MAD1L1: variants seen among roughly 807,000 people sequenced by gnomAD.
MAD1L1 encodes the protein mitotic spindle assembly checkpoint protein MAD1.
Under a neutral mutation model 96.9 loss-of-function variants are expected in MAD1L1, and 95 were observed. That is an observed-to-expected ratio of 0.98 (90% confidence interval 0.83 to 1.16). MAD1L1 has a LOEUF of 1.16. Among genes scored for constraint, MAD1L1 ranks in the 50% most tolerant of loss-of-function variants. MAD1L1 has a pLI of 0.00. For synonymous variants in MAD1L1, 473 were observed against 396.6 expected (o/e 1.19, Z -2.29); for missense variants, 1,007 against 954.4 (o/e 1.06, Z -0.73).
chr7:1,941,354 G>C (rs73051862), intron 16 of MAD1L1, among the ~76,000 whole-genome samples: 5,179 of 152,260 alleles, frequency 0.034, 192 homozygotes, highest in Admixed American at 0.099. Flanking sequence ...TTTCCCCCCT[G>C]ATGGGGGGCT....
At chr7:2,171,928 C>A (rs1790726900) in intron 10 of MAD1L1, among the ~76,000 whole-genome samples, 1 of 152,132 alleles carries the variant, frequency 6.6e-6, no homozygotes, top group Non-Finnish European at 1.5e-5. Context: ...CTGGAGGGTC[C>A]CTGGGATAGA....
chr7:1,834,248 T>C (rs1387718555), intron 18 of MAD1L1, among the ~76,000 whole-genome samples: 2 of 151,846 alleles, frequency 1.3e-5, no homozygotes, highest in Non-Finnish European at 2.9e-5. Context: ...ATCAGAGACT[T>C]CAGCTTCGAC....
At chr7:1,863,912 C>G (rs1305319915) in intron 18 of MAD1L1, among the ~76,000 whole-genome samples, 6 of 152,206 alleles carry the variant, frequency 3.9e-5, no homozygotes, top group Non-Finnish European at 5.9e-5. Flanking sequence ...GATGGTGAAA[C>G]CCCGTCTCTA....
chr7:2,012,357 C>A (rs1466137746), intron 13 of MAD1L1, among the ~76,000 whole-genome samples: 1 of 152,248 alleles, frequency 6.6e-6, no homozygotes, highest in Admixed American at 6.5e-5. Context: ...GTGGAAAACG[C>A]CAGGGACGGC....
chr7:2,115,804 G>C (rs1037686757), intron 11 of MAD1L1, among the ~76,000 whole-genome samples: 2 of 152,268 alleles, frequency 1.3e-5, no homozygotes, highest in African/African-American at 2.4e-5. Flanking sequence ...GGAGCAGAGG[G>C]AACGCACTGA....
chr7:2,165,288 G>A (rs1016877880), intron 10 of MAD1L1, among the ~76,000 whole-genome samples: 3 of 152,214 alleles, frequency 2.0e-5, no homozygotes, highest in Non-Finnish European at 2.9e-5. Flanking sequence ...TACAGCTGCC[G>A]GGGATGAAGG....
At chr7:2,058,816 T>C (rs1784499729) in intron 12 of MAD1L1, among the ~76,000 whole-genome samples, 1 of 95,384 alleles carries the variant, frequency 1.0e-5, no homozygotes, top group African/African-American at 4.2e-5. Flanking sequence ...GGAGTGGGAG[T>C]GTGGCCAGAG....
chr7:1,868,131 C>T (rs1318514879), intron 18 of MAD1L1, among the ~76,000 whole-genome samples: 3 of 152,166 alleles, frequency 2.0e-5, no homozygotes, highest in Non-Finnish European at 4.4e-5. Flanking sequence ...TTCAGCCCAG[C>T]GAGGTGCACT....
chr7:2,097,050 G>A (rs184508697), intron 11 of MAD1L1, among the ~76,000 whole-genome samples: 240 of 152,260 alleles, frequency 1.6e-3, no homozygotes, highest in African/African-American at 5.5e-3. Context: ...CGCACCACGG[G>A]TATCCCCCAC....
chr7:2,085,370 G>A (rs1255369915), intron 11 of MAD1L1, among the ~76,000 whole-genome samples: 3 of 152,190 alleles, frequency 2.0e-5, no homozygotes, highest in East Asian at 1.9e-4. Context: ...GCACAGCCAC[G>A]CAGTACACAC....
intron 18 of MAD1L1, among the ~76,000 whole-genome samples, chr7:1,822,807 A>G (rs1412964645): frequency 6.6e-6 from 1 of 151,358 alleles, no homozygotes; most frequent in Non-Finnish European, 1.5e-5. Flanking sequence ...AAAGAAGAGT[A>G]GAGGAATTGC....
chr7:2,053,873 C>T (rs991455527), intron 12 of MAD1L1, among the ~76,000 whole-genome samples: 3 of 152,240 alleles, frequency 2.0e-5, no homozygotes, highest in African/African-American at 7.2e-5. Flanking sequence ...TCCAGGGGCA[C>T]CCGATTCTAG....
At chr7:1,826,784 C>A (rs1237601533) in intron 18 of MAD1L1, among the ~76,000 whole-genome samples, 2 of 152,228 alleles carry the variant, frequency 1.3e-5, no homozygotes, top group Admixed American at 1.3e-4. Context: ...GAAAATAGCT[C>A]AGCCAATTAT....
At chr7:1,848,436 G>C (rs1304490479) in intron 18 of MAD1L1, 1 of 152,680 alleles carries the variant, frequency 6.5e-6, no homozygotes, top group Non-Finnish European at 1.5e-5. Flanking sequence ...ATGCTGAATA[G>C]GACACTCCAT....
chr7:2,219,538 T>A, intron 5 of MAD1L1, 82 bp from the exon 6 acceptor site: 1 of 1,488,822 alleles, frequency 6.7e-7, no homozygotes, highest in Non-Finnish European at 9.1e-7. Flanking sequence ...ATGAGAAGAG[T>A]GGAGAGGCGA....
chr7:2,226,379 A>G (rs1793896898), intron 3 of MAD1L1, among the ~76,000 whole-genome samples: 1 of 151,876 alleles, frequency 6.6e-6, no homozygotes, highest in Non-Finnish European at 1.5e-5. Context: ...ATTACAGGTG[A>G]GCTGAGCCTC....
chr7:1,915,763 G>C (rs1788347915), intron 17 of MAD1L1, among the ~76,000 whole-genome samples: 1 of 152,226 alleles, frequency 6.6e-6, no homozygotes. Flanking sequence ...TGTCCACACG[G>C]AGACAGTGAG....
intron 17 of MAD1L1, among the ~76,000 whole-genome samples, chr7:1,935,526 G>T (rs1239581759): frequency 1.3e-5 from 2 of 152,196 alleles, no homozygotes; most frequent in South Asian, 2.1e-4. Context: ...GGCTTATGGG[G>T]GTGGGGCACA....
intron 10 of MAD1L1, among the ~76,000 whole-genome samples, chr7:2,205,479 C>T (rs535269532): frequency 5.9e-5 from 9 of 152,310 alleles, no homozygotes; most frequent in African/African-American, 2.2e-4. Flanking sequence ...CTCCCAGGAA[C>T]TGACTCAGCT....
Sources: allele counts gnomAD v4.1 joint callset (sites outside exome capture counted in the v4.1 genomes callset), GRCh38; gene constraint gnomAD v4.1.1; transcripts MANE v1.5; gene names NCBI Gene and HGNC (gene_info 2026-07-23, HGNC 2026-07-21).